FILIP1L: variants seen among roughly 807,000 people sequenced by gnomAD.
The protein encoded by FILIP1L is filamin A-interacting protein 1-like.
FILIP1L carries 55 observed loss-of-function variants against 96.6 expected under a neutral mutation model. That is an observed-to-expected ratio of 0.57 (90% CI 0.46 to 0.71). The LOEUF (loss-of-function observed/expected upper bound fraction) is 0.71. Among genes scored for constraint, FILIP1L ranks in the 30% least tolerant of loss-of-function variants. The pLI is 0.00. For missense variants in FILIP1L, 1,304 were observed against 1,321.2 expected (o/e 0.99, Z 0.20); for synonymous variants, 467 against 473.9 (o/e 0.99, Z 0.19).
chr3:99,931,472 A>G (rs142098940), intron 1 of FILIP1L, among the ~76,000 whole-genome samples: 1,763 of 152,144 alleles, frequency 0.012, 19 homozygotes, highest in African/African-American at 0.026. Context: ...AATTGTTGGG[A>G]GCTTTTATGG....
At chr3:99,840,746 T>G (rs1198998483) in intron 5 of FILIP1L, among the ~76,000 whole-genome samples, 1 of 152,232 alleles carries the variant, frequency 6.6e-6, no homozygotes, top group African/African-American at 2.4e-5. Flanking sequence ...ATCTTAAAGA[T>G]CACCAAGTTC....
At chr3:99,862,461 T>G (rs1490152583) in intron 4 of FILIP1L, among the ~76,000 whole-genome samples, 1 of 152,192 alleles carries the variant, frequency 6.6e-6, no homozygotes, top group East Asian at 1.9e-4. Flanking sequence ...ATAATGATTG[T>G]CATTTTAGGT....
intron 1 of FILIP1L, among the ~76,000 whole-genome samples, chr3:99,961,266 G>A (rs1246951193): frequency 1.3e-5 from 2 of 152,196 alleles, no homozygotes; most frequent in African/African-American, 2.4e-5. Flanking sequence ...GTGTTGGAAT[G>A]CTGGGTTTGT....
chr3:99,956,156 A>T (rs1708313455), intron 1 of FILIP1L, among the ~76,000 whole-genome samples: 2 of 152,126 alleles, frequency 1.3e-5, no homozygotes, highest in African/African-American at 2.4e-5. Context: ...CAAAGCTTTA[A>T]CACTCTTTTC....
At chr3:100,021,960 T>TGTGTGTGTGTGTGA (rs1321185364) in intron 1 of FILIP1L, among the ~76,000 whole-genome samples, 9 of 93,332 alleles carry the variant, frequency 9.6e-5, no homozygotes, top group African/African-American at 3.6e-4. Flanking sequence ...TGTGTGTGTG[T>TGTGTGTGTGTGTGA]GAGAGAGAGA....
At chr3:100,094,473 T>C (rs1359152272) in intron 1 of FILIP1L, among the ~76,000 whole-genome samples, 4 of 152,114 alleles carry the variant, frequency 2.6e-5, no homozygotes, top group Non-Finnish European at 5.9e-5. Flanking sequence ...GATTATACTT[T>C]TGGTGTTAAG....
chr3:100,001,922 A>G (rs1394160604), intron 1 of FILIP1L, among the ~76,000 whole-genome samples: 2 of 152,144 alleles, frequency 1.3e-5, no homozygotes, highest in Non-Finnish European at 1.5e-5. Context: ...GGTGTCGCCT[A>G]TGAGGGAAGC....
At chr3:100,039,483 A>T (rs1291437671) in intron 1 of FILIP1L, among the ~76,000 whole-genome samples, 2 of 152,190 alleles carry the variant, frequency 1.3e-5, no homozygotes. Context: ...GGAAAGGAAA[A>T]CAGTAAAATT....
In FILIP1L at chr3:100,060,077, A is replaced by G. The variant is rs147108316; in HGVS notation, c.-11+53976T>C. Among the ~76,000 whole-genome samples, 1,096 of 152,218 alleles carry G rather than the reference A, an allele frequency of 7.2e-3. 4 individuals carry two copies. Among genetic ancestry groups the G allele is most frequent in the African/African-American group, 0.01 (416 of 41,532 alleles). On this transcript the variant is annotated intron_variant, in intron 1 of 5. Coordinates refer to ENST00000477258, the MANE Select transcript of FILIP1L (RefSeq NM_001387850.1). ...GGCGGGGGGAAGATGGGCTCCAGGT[A>G]CATGTGCCCTCAGCTGTGCCGGGTA...
chr3:100,021,262 C>T (rs73859919), intron 1 of FILIP1L, among the ~76,000 whole-genome samples: 1 of 152,162 alleles, frequency 6.6e-6, no homozygotes, highest in Non-Finnish European at 1.5e-5. Flanking sequence ...CTATAGAGCT[C>T]TCCTTATATA....
intron 1 of FILIP1L, among the ~76,000 whole-genome samples, chr3:99,986,345 C>G (rs1403343098): frequency 6.6e-6 from 1 of 152,100 alleles, no homozygotes; most frequent in African/African-American, 2.4e-5. Context: ...AAAGACATAT[C>G]ATTGTAAAAT....
Position 99,849,278 on chromosome 3 carries a change from C to T in FILIP1L, c.2398G>A (p.Val800Ile). ...ISDPQVFSKE[V>I]QTEAVDNEPP... ...TCATTGTCTACTGCTTCTGTCTGAA[C>T]TTCTTTAGAAAATACTTGAGGATCG... Residue 800 changes from valine (V) to isoleucine (I), a missense_variant, in exon 5 of 6, where the codon GTT becomes ATT. Val to Ile is a conservative substitution (Grantham distance 29, BLOSUM62 3). Transcript: ENST00000477258. The T allele has an allele frequency of 2.5e-6, 4 of 1,614,182 alleles. No homozygotes were observed. The highest frequency in any genetic ancestry group is 3.4e-6 in the Non-Finnish European group (4 of 1,180,022).
chr3:100,113,881 A>G (rs1394411854), intron 1 of FILIP1L, among the ~76,000 whole-genome samples, 172 bp downstream of exon 1: 1 of 152,148 alleles, frequency 6.6e-6, no homozygotes. Context: ...ACTCTTAGTC[A>G]TTTTAGCCTA....
intron 1 of FILIP1L, among the ~76,000 whole-genome samples, chr3:100,075,081 A>G (rs1238098025): frequency 6.6e-6 from 1 of 151,970 alleles, no homozygotes; most frequent in Non-Finnish European, 1.5e-5. Context: ...GATATATTTT[A>G]TTGGTCTATG....
Position 100,044,237 on chromosome 3 carries a change from G to A in FILIP1L, c.-11+69816C>T, listed in dbSNP as rs145315012. On this transcript the variant is annotated intron_variant, in intron 1 of 5. Coordinates refer to ENST00000477258, the MANE Select transcript of FILIP1L (RefSeq NM_001387850.1). ...TCTTCTATGTGCCAGGCATTGTGAT[G>A]GGCACAAGCGATGCAGTTGTTTACA... Among the ~76,000 whole-genome samples the A allele has an allele frequency of 1.5e-3, 235 of 152,292 alleles. 1 individual carries two copies. Among genetic ancestry groups the A allele is most frequent in the African/African-American group, 5.5e-3 (227 of 41,550 alleles).
chr3:99,922,879 T>C (rs1194779442), intron 4 of FILIP1L, among the ~76,000 whole-genome samples: 1 of 152,238 alleles, frequency 6.6e-6, no homozygotes, highest in East Asian at 1.9e-4. Context: ...TTTCTTATTT[T>C]GTTTTTTAAA....
chr3:99,832,149 T>G (rs1942691477), intron 5 of FILIP1L, among the ~76,000 whole-genome samples: 1 of 152,142 alleles, frequency 6.6e-6, no homozygotes, highest in Non-Finnish European at 1.5e-5. Context: ...GGTAACTCCA[T>G]TTTCATTACG....
chr3:99,960,571 T>C (rs988419334), intron 1 of FILIP1L, among the ~76,000 whole-genome samples: 3 of 152,164 alleles, frequency 2.0e-5, no homozygotes, highest in African/African-American at 7.2e-5. Flanking sequence ...CCCAAATCAT[T>C]CTTTAGCATC....
chr3:99,962,370 T>C (rs555946018), intron 1 of FILIP1L, among the ~76,000 whole-genome samples: 2 of 152,292 alleles, frequency 1.3e-5, no homozygotes, highest in African/African-American at 4.8e-5. Flanking sequence ...CTTGGGAACA[T>C]AATTACTATG....
Sources: gnomAD v4.1 joint callset for allele counts (sites outside exome capture counted in the v4.1 genomes callset) on GRCh38, gnomAD v4.1.1 for gene constraint, MANE v1.5 for transcripts, NCBI Gene and HGNC (gene_info 2026-07-23, HGNC 2026-07-21) for gene names.